CPNE5: variants seen among roughly 807,000 people sequenced by gnomAD.
The protein encoded by CPNE5 is copine 5, also known as copine-5.
A neutral mutation model predicts 81.1 loss-of-function variants in CPNE5; 42 were observed. The ratio of observed to expected loss-of-function variants is 0.52; its 90% CI spans 0.40 to 0.67. The LOEUF (loss-of-function observed/expected upper bound fraction) is 0.67. CPNE5 is among the 30% of genes least tolerant of loss of function. The pLI is 0.00. For missense variants in CPNE5, 612 were observed against 815.5 expected (o/e 0.75, Z 3.04); for synonymous variants, 313 against 321.5 (o/e 0.97, Z 0.28).
At chr6:36,821,868 C>T (rs982188268) in intron 3 of CPNE5, among the ~76,000 whole-genome samples, 1 of 152,154 alleles carries the variant, frequency 6.6e-6, no homozygotes. Flanking sequence ...GACTGGGGCT[C>T]CCTGAGAACA....
intron 1 of CPNE5, among the ~76,000 whole-genome samples, chr6:36,832,849 G>A (rs75567957): frequency 0.011 from 1,662 of 152,148 alleles, 31 homozygotes; most frequent in African/African-American, 0.037. Context: ...CTCGAGTATC[G>A]CCTTGAGTCT....
At chr6:36,791,881 A>G (rs1769125984) in intron 8 of CPNE5, 152 bp downstream of exon 8, 15 of 690,110 alleles carry the variant, frequency 2.2e-5, no homozygotes, top group Non-Finnish European at 3.6e-5. Flanking sequence ...GAAAACACCC[A>G]CTAGCTCTGA....
chr6:36,748,256 T>C lies in CPNE5; in HGVS notation c.983A>G (p.Asn328Ser), dbSNP rs374175185. The C allele has an allele frequency of 1.2e-4, 199 of 1,614,006 alleles. No individual in the cohort carries two copies. Among genetic ancestry groups the C allele is most frequent in the Non-Finnish European group, 1.5e-4 (174 of 1,180,012 alleles). ...AGTGAAATCAATGGCCACAGTGAAG[T>C]TGATCTGGGTCCTAGAAGAGGGAGA... The part of the protein sequence containing the change: ...LDYIKGGTQI[N>S]FTVAIDFTAS... The change falls in exon 15 of 21, where the codon AAC becomes AGC. Residue 328 changes from asparagine to serine, a missense_variant. Coordinates refer to ENST00000244751, the MANE Select transcript of CPNE5 (RefSeq NM_020939.2).
intron 3 of CPNE5, among the ~76,000 whole-genome samples, chr6:36,810,176 C>T (rs1243100587): frequency 6.6e-6 from 1 of 151,898 alleles, no homozygotes; most frequent in East Asian, 2.0e-4. Flanking sequence ...ATCTTCATGG[C>T]CCTGGATTTA....
rs557039469 is a variant in CPNE5, at chr6:36,811,435, A to G, written c.183+10679T>C. On this transcript the variant is annotated intron_variant, in intron 3 of 20. Transcript: ENST00000244751. ...GCAGGCCAGGCACTTTACACGAATT[A>G]GCTTATTTACTCCTCACAGTAGGCT... Among the ~76,000 whole-genome samples the G allele has an allele frequency of 3.9e-5, 6 of 152,240 alleles. No individual in the cohort carries two copies. In the South Asian group the frequency reaches 1.2e-3, roughly 31 times the overall value.
intron 3 of CPNE5, among the ~76,000 whole-genome samples, chr6:36,818,132 C>G (rs1771721355): frequency 6.6e-6 from 1 of 152,148 alleles, no homozygotes; most frequent in South Asian, 2.1e-4. Flanking sequence ...CCTGAAAGTT[C>G]CTTCCAACCC....
At chr6:36,761,193 C>G (rs929819295) in intron 12 of CPNE5, among the ~76,000 whole-genome samples, 1 of 152,196 alleles carries the variant, frequency 6.6e-6, no homozygotes, top group Non-Finnish European at 1.5e-5. Context: ...ATGGTGGCAT[C>G]TGCTTCTCTC....
intron 6 of CPNE5, among the ~76,000 whole-genome samples, 179 bp downstream of exon 6, chr6:36,797,986 C>T (rs1417309483): frequency 1.3e-5 from 2 of 152,096 alleles, no homozygotes; most frequent in Non-Finnish European, 2.9e-5. Context: ...CCTGGGTTCC[C>T]CTGAAATACC....
intron 14 of CPNE5, among the ~76,000 whole-genome samples, chr6:36,751,407 G>T (rs1031261923): frequency 7.2e-5 from 11 of 152,228 alleles, no homozygotes; most frequent in African/African-American, 2.7e-4. Flanking sequence ...TAGGCGTGTG[G>T]CTTCAGGCAA....
intron 1 of CPNE5, among the ~76,000 whole-genome samples, chr6:36,825,157 G>A (rs1224911111): frequency 6.6e-6 from 1 of 152,018 alleles, no homozygotes; most frequent in Non-Finnish European, 1.5e-5. Context: ...ACAGCCTGTC[G>A]GGCAACTTGA....
intron 6 of CPNE5, among the ~76,000 whole-genome samples, chr6:36,795,932 A>T (rs1769528018): frequency 6.6e-6 from 1 of 151,742 alleles, no homozygotes; most frequent in African/African-American, 2.4e-5. Flanking sequence ...CATTGCCGTC[A>T]ACCTCTGTAT....
chr6:36,830,107 C>T (rs1561830044), intron 1 of CPNE5, among the ~76,000 whole-genome samples: 1 of 152,136 alleles, frequency 6.6e-6, no homozygotes, highest in Non-Finnish European at 1.5e-5. Flanking sequence ...TAGGCAAGGC[C>T]ACAGAGGCTG....
intron 3 of CPNE5, among the ~76,000 whole-genome samples, chr6:36,815,462 C>T (rs1771458329): frequency 6.6e-6 from 1 of 152,194 alleles, no homozygotes; most frequent in South Asian, 2.1e-4. Flanking sequence ...GCAGAGCCCT[C>T]ATGAATGGGC....
At chr6:36,761,757 G>A (rs1055062590) in intron 12 of CPNE5, among the ~76,000 whole-genome samples, 1 of 152,222 alleles carries the variant, frequency 6.6e-6, no homozygotes, top group African/African-American at 2.4e-5. Context: ...CCAAGGTCAC[G>A]TAGCTAGTAA....
intron 1 of CPNE5, among the ~76,000 whole-genome samples, chr6:36,824,006 C>A (rs1428651019): frequency 6.6e-6 from 1 of 152,174 alleles, no homozygotes; most frequent in Non-Finnish European, 1.5e-5. Flanking sequence ...GAAACGCAGT[C>A]TCTGGCTGGG....
intron 8 of CPNE5, among the ~76,000 whole-genome samples, chr6:36,790,645 G>A (rs1221161364): frequency 6.6e-6 from 1 of 152,098 alleles, no homozygotes; most frequent in Non-Finnish European, 1.5e-5. Context: ...CGCCCAGGCT[G>A]GAGTGCAGAG....
intron 10 of CPNE5, among the ~76,000 whole-genome samples, chr6:36,773,613 C>T (rs1004844862): frequency 6.6e-6 from 1 of 152,134 alleles, no homozygotes; most frequent in African/African-American, 2.4e-5. Flanking sequence ...AACAGAGCCT[C>T]GTTGTGTAGG....
At chr6:36,820,536 C>T (rs1203092093) in intron 3 of CPNE5, among the ~76,000 whole-genome samples, 1 of 151,876 alleles carries the variant, frequency 6.6e-6, no homozygotes, top group East Asian at 1.9e-4. Context: ...TTTTAAGCAA[C>T]CATGTATTAA....
intron 3 of CPNE5, among the ~76,000 whole-genome samples, chr6:36,811,422 C>T (rs1333167538): frequency 6.6e-6 from 1 of 152,232 alleles, no homozygotes; most frequent in African/African-American, 2.4e-5. Flanking sequence ...AGGCCAGGCA[C>T]TTTACACGAA....
Sources: allele counts gnomAD v4.1 joint callset (sites outside exome capture counted in the v4.1 genomes callset), GRCh38; gene constraint gnomAD v4.1.1; transcripts MANE v1.5; gene names NCBI Gene and HGNC (gene_info 2026-07-23, HGNC 2026-07-21).